Variants in PDE4D observed in about 807,000 individuals in gnomAD.
The protein encoded by PDE4D is phosphodiesterase 4D.
In PDE4D, 24 loss-of-function variants were observed where a neutral mutation model predicts 87.4. The observed-to-expected ratio is 0.27, with a 90% CI of 0.20 to 0.39. PDE4D has a LOEUF of 0.39. Among genes scored for constraint, PDE4D ranks in the 10% least tolerant of loss-of-function variants. The probability of loss-of-function intolerance (pLI) is 1.00; values close to 1 mark genes in which losing one functional copy is unlikely to be tolerated. For synonymous variants in PDE4D, 384 were observed against 383.2 expected (o/e 1.00, Z -0.02); for missense variants, 714 against 1,041.0 (o/e 0.69, Z 4.32).
intron 2 of PDE4D, among the ~76,000 whole-genome samples, chr5:59,199,242 C>G (rs530076984): frequency 2.1e-4 from 30 of 141,344 alleles, no homozygotes; most frequent in African/African-American, 7.2e-4. Context: ...CTGGGGCTTA[C>G]GTTTGAATCT....
rs185768349 is a variant in PDE4D at position 59,053,043 on chromosome 5, C to G, written c.809-14072G>C. Among the ~76,000 whole-genome samples, 18 of 152,092 alleles carry G rather than the reference C, an allele frequency of 1.2e-4. No homozygotes were observed. In the East Asian group the frequency reaches 3.3e-3, roughly 28 times the overall value. ...CACTACTACTAGAGGTACAAGGACT[C>G]TTGTACCTCTCTGAAAAGTAGCATA... is the stretch of plus-strand genomic sequence containing the variant. On this transcript the variant is annotated intron_variant, in intron 5 of 14. Coordinates refer to ENST00000340635, the MANE Select transcript of PDE4D (RefSeq NM_001104631.2).
chr5:60,028,594 C>T (rs1220436895), intron 2 of PDE4D, among the ~76,000 whole-genome samples: 1 of 152,142 alleles, frequency 6.6e-6, no homozygotes, highest in South Asian at 2.1e-4. Context: ...GGAAGTATCC[C>T]AATTACTTGT....
chr5:59,364,992 C>A (rs926175767), intron 1 of PDE4D, among the ~76,000 whole-genome samples: 1 of 152,074 alleles, frequency 6.6e-6, no homozygotes, highest in African/African-American at 2.4e-5. Flanking sequence ...ACAATTCATG[C>A]CCAAAGAGAA....
chr5:59,701,238 C>T (rs779542364), intron 1 of PDE4D, among the ~76,000 whole-genome samples: 67 of 152,196 alleles, frequency 4.4e-4, no homozygotes, highest in Non-Finnish European at 7.8e-4. Flanking sequence ...TCACACTTTT[C>T]ACCCCAGAAA....
chr5:60,049,899 T>G (rs1000976296), intron 2 of PDE4D, among the ~76,000 whole-genome samples: 10 of 152,332 alleles, frequency 6.6e-5, no homozygotes, highest in Admixed American at 2.6e-4. Context: ...TCCACCCAGT[T>G]TGAGCTTCCT....
At chr5:59,706,761 T>C (rs935540451) in intron 1 of PDE4D, among the ~76,000 whole-genome samples, 40 of 152,158 alleles carry the variant, frequency 2.6e-4, no homozygotes, top group African/African-American at 9.6e-4. Flanking sequence ...TAAAATTGAC[T>C]ATAAGGAAAT....
chr5:60,154,283 C>CT (rs11312023), intron 2 of PDE4D, among the ~76,000 whole-genome samples: 12 of 149,784 alleles, frequency 8.0e-5, no homozygotes, highest in Non-Finnish European at 8.9e-5. Flanking sequence ...CTATTAACTT[C>CT]TTTTTTTTTT....
intron 1 of PDE4D, among the ~76,000 whole-genome samples, chr5:59,330,485 A>G (rs1776522960): frequency 1.3e-5 from 2 of 152,058 alleles, no homozygotes; most frequent in Admixed American, 6.5e-5. Context: ...CCACTCTCCA[A>G]TGATGCTCAT....
intron 2 of PDE4D, among the ~76,000 whole-genome samples, chr5:60,160,332 ACT>A (rs1338975494): frequency 5.9e-5 from 9 of 151,946 alleles, no homozygotes; most frequent in Admixed American, 5.9e-4. Context: ...GGTACCACTA[ACT>A]CCCGTGATTT....
At chr5:59,323,562 G>GT (rs1255416193) in intron 1 of PDE4D, among the ~76,000 whole-genome samples, 1 of 152,020 alleles carries the variant, frequency 6.6e-6, no homozygotes, top group Non-Finnish European at 1.5e-5. Context: ...AGCCAGAAAT[G>GT]TGAGTGATTA....
chr5:60,115,499 A>G (rs1562113864), intron 2 of PDE4D, among the ~76,000 whole-genome samples: 2 of 152,158 alleles, frequency 1.3e-5, no homozygotes, highest in African/African-American at 4.8e-5. Context: ...TTGAGCACCT[A>G]CTATGTACCA....
At chr5:60,151,925 C>G (rs1781544359) in intron 2 of PDE4D, among the ~76,000 whole-genome samples, 1 of 152,060 alleles carries the variant, frequency 6.6e-6, no homozygotes, top group East Asian at 1.9e-4. Flanking sequence ...CTTTCTATAC[C>G]TAATGTATTT....
Position 59,665,061 on chromosome 5 carries a change from T to C in PDE4D, c.455+228107A>G, listed in dbSNP as rs369836651. Among the ~76,000 whole-genome samples, 3 of 152,320 alleles carry C rather than the reference T, an allele frequency of 2.0e-5. No individual in the cohort carries two copies. In the South Asian group the frequency reaches 6.2e-4, roughly 32 times the overall value. On this transcript the variant is annotated intron_variant, in intron 1 of 14. Transcript: ENST00000340635. ...CTGTAGTGACATGTCCCCCTGAAAT[T>C]TGACCCAAATAGTTCATACAAATAA... is the stretch of plus-strand genomic sequence containing the variant.
chr5:60,063,959 C>A (rs760407069), intron 2 of PDE4D, among the ~76,000 whole-genome samples: 1 of 151,912 alleles, frequency 6.6e-6, no homozygotes, highest in Non-Finnish European at 1.5e-5. Flanking sequence ...TAGATTGGCC[C>A]GAGGAGATGT....
intron 1 of PDE4D, among the ~76,000 whole-genome samples, chr5:60,354,623 C>T (rs1425448266): frequency 6.6e-6 from 1 of 152,130 alleles, no homozygotes; most frequent in Non-Finnish European, 1.5e-5. Flanking sequence ...ATGTTATTTC[C>T]TGTTTTCTGG....
chr5:60,313,980 T>A (rs1049305193), intron 1 of PDE4D, among the ~76,000 whole-genome samples: 1 of 152,200 alleles, frequency 6.6e-6, no homozygotes, highest in East Asian at 1.9e-4. Context: ...ACAGCCAACA[T>A]CATACTGAAT....
At chr5:59,800,880 T>C (rs1767049098) in intron 1 of PDE4D, among the ~76,000 whole-genome samples, 1 of 152,220 alleles carries the variant, frequency 6.6e-6, no homozygotes, top group African/African-American at 2.4e-5. Context: ...CAAAAATGCA[T>C]TGTAAATGCA....
At chr5:59,573,499 G>A (rs897087838) in intron 1 of PDE4D, among the ~76,000 whole-genome samples, 3 of 151,960 alleles carry the variant, frequency 2.0e-5, no homozygotes, top group South Asian at 2.1e-4. Flanking sequence ...GAGTATACCC[G>A]CAGTTCTCAG....
intron 1 of PDE4D, among the ~76,000 whole-genome samples, chr5:59,614,519 AAG>A (rs1829413158): frequency 6.6e-6 from 1 of 152,172 alleles, no homozygotes; most frequent in Non-Finnish European, 1.5e-5. Flanking sequence ...TCAGAACTGT[AAG>A]AGTCTATGTT....
Sources: gnomAD v4.1 joint callset for allele counts (sites outside exome capture counted in the v4.1 genomes callset) on GRCh38, gnomAD v4.1.1 for gene constraint, MANE v1.5 for transcripts, NCBI Gene and HGNC (gene_info 2026-07-23, HGNC 2026-07-21) for gene names.